The following ZFAT variants were observed in gnomAD, a reference collection of about 807,000 sequenced individuals.
ZFAT encodes the protein zinc finger and AT-hook domain containing.
ZFAT carries 64 observed loss-of-function variants against 117.7 expected under a neutral mutation model. That is an observed-to-expected ratio of 0.54 (90% CI 0.44 to 0.67). The LOEUF is 0.67. ZFAT is among the 30% of genes least tolerant of loss of function. The probability of loss-of-function intolerance (pLI) is 0.00; values close to 1 mark genes in which losing one functional copy is unlikely to be tolerated. For synonymous variants in ZFAT, 679 were observed against 615.0 expected, an observed-to-expected ratio of 1.10 and a Z score of -1.54; for missense variants, 1,433 against 1,584.5, an observed-to-expected ratio of 0.90 and a Z score of 1.62.
chr8:134,568,998 T>C (rs1563859936), intron 10 of ZFAT, among the ~76,000 whole-genome samples: 1 of 152,202 alleles, frequency 6.6e-6, no homozygotes, highest in Non-Finnish European at 1.5e-5. Flanking sequence ...TGGCTGTACG[T>C]GGATGCGAAT....
At chr8:134,832,290 C>T in the ZFAT span, among the ~76,000 whole-genome samples, 1 of 151,862 alleles carries the variant, frequency 6.6e-6, no homozygotes, top group African/African-American at 2.4e-5. Context: ...CCTTTCCCTC[C>T]AGTGTGTCTG....
chr8:134,741,452 T>C, the ZFAT span, among the ~76,000 whole-genome samples: 1 of 152,232 alleles, frequency 6.6e-6, no homozygotes, highest in Non-Finnish European at 1.5e-5. Context: ...CTTTACTCTT[T>C]TTCTTGGCTC....
intron 15 of ZFAT, among the ~76,000 whole-genome samples, chr8:134,506,233 A>G (rs971052361): frequency 5.3e-5 from 8 of 152,306 alleles, no homozygotes; most frequent in Non-Finnish European, 1.0e-4. Flanking sequence ...ACACTAACAA[A>G]AGTAATCACC....
At chr8:134,553,039 A>T (rs970534344) in intron 11 of ZFAT, among the ~76,000 whole-genome samples, 1 of 152,216 alleles carries the variant, frequency 6.6e-6, no homozygotes, top group Non-Finnish European at 1.5e-5. Context: ...AGAGGTAGTG[A>T]TGAGGAAAGA....
rs1358654570 is a variant in ZFAT, at chr8:134,638,558, AACAAAAC to A, written c.197-853_197-847del. ...GTCTCTACTAAAAATACAAAAAAAA[AACAAAAC>A]AAAAAAAAAAAACATTAACCAGGCG... On this transcript the variant is annotated intron_variant, in intron 2 of 15. Coordinates refer to ENST00000377838, the MANE Select transcript of ZFAT (RefSeq NM_020863.4). Among the ~76,000 whole-genome samples the A allele has an allele frequency of 9.2e-4, 23 of 24,878 alleles. No individual in the cohort carries two copies. The East Asian group carries it at 0.065, about 70-fold the overall frequency. 16.3% of individuals were successfully genotyped at this position (24,878 alleles called of 152,430 possible). A position where few individuals can be genotyped will look rare whatever the true frequency, so the allele number is the denominator to read the frequency against.
chr8:134,763,958 T>C, the ZFAT span, among the ~76,000 whole-genome samples: 1 of 152,232 alleles, frequency 6.6e-6, no homozygotes, highest in Admixed American at 6.5e-5. Flanking sequence ...CCGTGTAACC[T>C]TGGACAAATT....
the ZFAT span, among the ~76,000 whole-genome samples, chr8:134,773,109 A>AAAT: frequency 6.6e-6 from 1 of 151,634 alleles, no homozygotes; most frequent in African/African-American, 2.4e-5. Context: ...AAAAAAAAAA[A>AAAT]AAATAGAAAA....
At chr8:134,518,000 C>T (rs901428740) in intron 13 of ZFAT, among the ~76,000 whole-genome samples, 1 of 152,060 alleles carries the variant, frequency 6.6e-6, no homozygotes, top group African/African-American at 2.4e-5. Flanking sequence ...CTATTTTTGC[C>T]TTCTGTAATT....
intron 3 of ZFAT, among the ~76,000 whole-genome samples, chr8:134,625,872 C>G (rs966051055): frequency 6.6e-6 from 1 of 152,182 alleles, no homozygotes; most frequent in Non-Finnish European, 1.5e-5. Context: ...AGAGCAAAGG[C>G]CCCCTGTGCC....
chr8:134,613,003 A>T (rs1341560583), intron 3 of ZFAT, among the ~76,000 whole-genome samples: 1 of 152,258 alleles, frequency 6.6e-6, no homozygotes, highest in Non-Finnish European at 1.5e-5. Flanking sequence ...TGTCTGAGTC[A>T]CAGAAGTTCT....
chr8:134,484,239 G>A (rs555107968), intron 15 of ZFAT, among the ~76,000 whole-genome samples: 7 of 152,330 alleles, frequency 4.6e-5, no homozygotes, highest in Non-Finnish European at 1.0e-4. Context: ...CGGCTCCTCT[G>A]TGCCCAGTCC....
the ZFAT span, among the ~76,000 whole-genome samples, chr8:134,801,312 G>T: frequency 2.6e-5 from 4 of 151,772 alleles, no homozygotes; most frequent in Non-Finnish European, 5.9e-5. Flanking sequence ...CCCTCTTTTT[G>T]CATTCTTTCT....
At chr8:134,669,396 C>T (rs1019847642) in intron 1 of ZFAT, among the ~76,000 whole-genome samples, 12 of 152,260 alleles carry the variant, frequency 7.9e-5, no homozygotes, top group African/African-American at 2.2e-4. Flanking sequence ...TGACTAACAA[C>T]GGATCTCTCG....
chr8:134,813,720 C>T, the ZFAT span, among the ~76,000 whole-genome samples: 1 of 151,568 alleles, frequency 6.6e-6, no homozygotes, highest in East Asian at 1.9e-4. Context: ...GCCTGGCCTG[C>T]CATCTAATTC....
intron 11 of ZFAT, among the ~76,000 whole-genome samples, chr8:134,533,252 T>C (rs981801223): frequency 2.0e-5 from 3 of 152,188 alleles, no homozygotes; most frequent in Non-Finnish European, 2.9e-5. Context: ...ACCTCAGAAT[T>C]TAGTTTTTGT....
At chr8:134,690,088 T>C (rs1279562985) in intron 1 of ZFAT, among the ~76,000 whole-genome samples, 1 of 152,242 alleles carries the variant, frequency 6.6e-6, no homozygotes, top group Non-Finnish European at 1.5e-5. Context: ...ATTTTTCACC[T>C]ACAGCACATC....
At chr8:134,499,478 C>T (rs993044789) in intron 15 of ZFAT, among the ~76,000 whole-genome samples, 2 of 149,152 alleles carry the variant, frequency 1.3e-5, no homozygotes, top group African/African-American at 5.0e-5. Context: ...GCTGGTTACA[C>T]ACAGAGCCTG....
At chr8:134,794,187 T>G in the ZFAT span, 1 of 152,228 alleles carries the variant, frequency 6.6e-6, no homozygotes, top group Non-Finnish European at 1.5e-5. Context: ...ATTAAATGAC[T>G]GCAGCACAAG....
chr8:134,585,789 C>T (rs748901305), intron 9 of ZFAT, among the ~76,000 whole-genome samples: 1 of 152,166 alleles, frequency 6.6e-6, no homozygotes, highest in Non-Finnish European at 1.5e-5. Context: ...CTAAATTCTC[C>T]CCTAAGAGCC....
Sources: allele counts gnomAD v4.1 joint callset (sites outside exome capture counted in the v4.1 genomes callset), GRCh38; gene constraint gnomAD v4.1.1; transcripts MANE v1.5; gene names NCBI Gene and HGNC (gene_info 2026-07-23, HGNC 2026-07-21).